The following PDE11A variants were observed in gnomAD, a reference collection of about 807,000 sequenced individuals.
The protein encoded by PDE11A is phosphodiesterase 11A.
Under a neutral mutation model 100.5 loss-of-function variants are expected in PDE11A, and 100 were observed. The observed-to-expected ratio is 1.00, with a 90% CI of 0.85 to 1.18. The LOEUF (loss-of-function observed/expected upper bound fraction) is 1.18. PDE11A is among the 50% of genes most tolerant of loss of function. PDE11A has a pLI of 0.00. For synonymous variants in PDE11A, 381 were observed against 420.8 expected, an observed-to-expected ratio of 0.91 and a Z score of 1.16; for missense variants, 1,141 against 1,152.6, an observed-to-expected ratio of 0.99 and a Z score of 0.15.
intron 5 of PDE11A, among the ~76,000 whole-genome samples, chr2:177,874,017 T>C (rs945752899): frequency 2.6e-5 from 4 of 152,170 alleles, no homozygotes; most frequent in African/African-American, 9.7e-5. Flanking sequence ...ATTTAGTTTC[T>C]ACTAAACTTT....
At chr2:177,632,531 C>T (rs942663706) in intron 19 of PDE11A, among the ~76,000 whole-genome samples, 1 of 152,126 alleles carries the variant, frequency 6.6e-6, no homozygotes. Flanking sequence ...TCACTTGAGG[C>T]CTCCCCAACC....
intron 19 of PDE11A, among the ~76,000 whole-genome samples, chr2:177,631,322 A>AAAAAAAAAAAAAACAAAAAAAAC (rs1469522170): frequency 5.9e-5 from 1 of 16,862 alleles, no homozygotes; most frequent in African/African-American, 9.2e-5. Context: ...AAAAAAAAAA[A>AAAAAAAAAAAAAACAAAAAAAAC]CAACCTAGGC....
intron 2 of PDE11A, among the ~76,000 whole-genome samples, chr2:177,923,339 T>C (rs1034990448): frequency 6.8e-6 from 1 of 147,798 alleles, no homozygotes; most frequent in African/African-American, 2.5e-5. Flanking sequence ...TTAGCCTGGA[T>C]GAAAGAGCGA....
chr2:177,708,669 A>T (rs1244040940), intron 13 of PDE11A, among the ~76,000 whole-genome samples: 1 of 152,262 alleles, frequency 6.6e-6, no homozygotes, highest in Non-Finnish European at 1.5e-5. Flanking sequence ...ATAATTTATA[A>T]GAGGTTGCAT....
intron 1 of PDE11A, among the ~76,000 whole-genome samples, chr2:178,045,474 T>C (rs1324829233): frequency 6.6e-6 from 1 of 152,226 alleles, no homozygotes; most frequent in Non-Finnish European, 1.5e-5. Context: ...TGAAAAGATG[T>C]TGTTGAACAG....
chr2:177,909,353 A>G (rs2084841674), intron 2 of PDE11A, among the ~76,000 whole-genome samples: 1 of 152,140 alleles, frequency 6.6e-6, no homozygotes, highest in South Asian at 2.1e-4. Context: ...ATGAACACCC[A>G]ACTCACTGTA....
chr2:177,785,752 A>AC (rs1376629225), intron 9 of PDE11A, among the ~76,000 whole-genome samples: 1 of 152,214 alleles, frequency 6.6e-6, no homozygotes, highest in Non-Finnish European at 1.5e-5. Flanking sequence ...CATGGCTCGG[A>AC]GGGTCCTATG....
chr2:177,942,560 G>A (rs58780886), intron 2 of PDE11A, among the ~76,000 whole-genome samples: 12,381 of 151,984 alleles, frequency 0.081, 509 homozygotes, highest in East Asian at 0.14. Context: ...GTGCCACCAC[G>A]CCCAGCTAAT....
intron 14 of PDE11A, among the ~76,000 whole-genome samples, chr2:177,698,801 A>G (rs937302935): frequency 6.6e-6 from 1 of 152,174 alleles, no homozygotes; most frequent in Admixed American, 6.5e-5. Flanking sequence ...ACAAATAACG[A>G]AAGGAATGCT....
intron 12 of PDE11A, among the ~76,000 whole-genome samples, chr2:177,713,407 A>C (rs2081385579): frequency 6.6e-6 from 1 of 152,152 alleles, no homozygotes; most frequent in Non-Finnish European, 1.5e-5. Flanking sequence ...ATAAATTGGG[A>C]GTATGAAATA....
At chr2:177,671,222 A>G (rs1163927636) in intron 17 of PDE11A, among the ~76,000 whole-genome samples, 1 of 152,156 alleles carries the variant, frequency 6.6e-6, no homozygotes, top group African/African-American at 2.4e-5. Flanking sequence ...TTAAAACAAA[A>G]TTCTGTCGTT....
intron 2 of PDE11A, among the ~76,000 whole-genome samples, chr2:177,962,338 A>G (rs1379647027): frequency 6.6e-6 from 1 of 152,130 alleles, no homozygotes; most frequent in Non-Finnish European, 1.5e-5. Flanking sequence ...AAATGTCCAC[A>G]AATGTATCAA....
chr2:177,847,098 C>T (rs925345487), intron 5 of PDE11A, among the ~76,000 whole-genome samples: 1 of 152,144 alleles, frequency 6.6e-6, no homozygotes, highest in African/African-American at 2.4e-5. Flanking sequence ...CCTCTTGTGG[C>T]ATGCCTTCCT....
chr2:177,674,203 C>G (rs913625827), intron 17 of PDE11A, among the ~76,000 whole-genome samples: 1 of 152,224 alleles, frequency 6.6e-6, no homozygotes, highest in African/African-American at 2.4e-5. Context: ...GGCTGCTTAT[C>G]CTTTCTAAGC....
chr2:177,896,380 A>G (rs1169165840), intron 4 of PDE11A, among the ~76,000 whole-genome samples: 1 of 152,182 alleles, frequency 6.6e-6, no homozygotes, highest in Non-Finnish European at 1.5e-5. Flanking sequence ...AAGAATGACC[A>G]CGCTTAACTG....
At chr2:177,875,837 C>A (rs201744453) in intron 5 of PDE11A, 22 bp downstream of exon 5, 26 of 1,533,992 alleles carry the variant, frequency 1.7e-5, no homozygotes, top group Middle Eastern at 3.4e-4. Flanking sequence ...ATCAAAAGAC[C>A]CATGAACCCC....
intron 2 of PDE11A, among the ~76,000 whole-genome samples, chr2:178,101,694 T>C (rs2087560706): frequency 6.6e-6 from 1 of 152,164 alleles, no homozygotes. Flanking sequence ...GGGCCAACTA[T>C]AATAACAAAC....
At chr2:177,965,993 G>A (rs753001399) in intron 2 of PDE11A, among the ~76,000 whole-genome samples, 2 of 152,114 alleles carry the variant, frequency 1.3e-5, no homozygotes, top group Non-Finnish European at 2.9e-5. Flanking sequence ...CATAAGCATG[G>A]AATGTTTTTC....
At chr2:177,644,801 A>G (rs2080198578) in intron 19 of PDE11A, among the ~76,000 whole-genome samples, 1 of 152,224 alleles carries the variant, frequency 6.6e-6, no homozygotes, top group Non-Finnish European at 1.5e-5. Flanking sequence ...TGATTGAATT[A>G]TGTGGGCAGG....
Sources: gnomAD v4.1 joint callset for allele counts (sites outside exome capture counted in the v4.1 genomes callset) on GRCh38, gnomAD v4.1.1 for gene constraint, MANE v1.5 for transcripts, NCBI Gene and HGNC (gene_info 2026-07-23, HGNC 2026-07-21) for gene names.